The following SDK1 variants were observed in gnomAD, a reference collection of about 807,000 sequenced individuals.
The protein encoded by SDK1 is sidekick cell adhesion molecule 1.
SDK1 carries 157 observed loss-of-function variants against 245.5 expected under a neutral mutation model. The ratio of observed to expected loss-of-function variants is 0.64; its 90% confidence interval spans 0.56 to 0.73. The LOEUF is 0.73. Ranked by LOEUF, SDK1 falls within the 30% of genes least tolerant of loss-of-function variation. SDK1 has a pLI of 0.00. For missense variants in SDK1, 3,583 were observed against 3,002.3 expected (o/e 1.19, Z -4.52); for synonymous variants, 1,647 against 1,278.5 (o/e 1.29, Z -6.15).
intron 1 of SDK1, among the ~76,000 whole-genome samples, chr7:3,585,785 A>T (rs1379195371): frequency 6.6e-6 from 1 of 152,174 alleles, no homozygotes; most frequent in African/African-American, 2.4e-5. Context: ...ATCTAAAGAC[A>T]GGTGTGCCAC....
chr7:3,442,712 G>A (rs192886204), intron 1 of SDK1, among the ~76,000 whole-genome samples: 2 of 152,260 alleles, frequency 1.3e-5, no homozygotes, highest in East Asian at 3.9e-4. Flanking sequence ...TACAAGTTTA[G>A]TGCACTTGAT....
intron 5 of SDK1, among the ~76,000 whole-genome samples, chr7:3,834,459 G>A (rs1226961574): frequency 2.6e-5 from 4 of 152,204 alleles, no homozygotes; most frequent in East Asian, 3.9e-4. Context: ...GATGAATTCT[G>A]CTTCCGATGC....
intron 20 of SDK1, among the ~76,000 whole-genome samples, chr7:4,074,888 A>C (rs56371839): frequency 0.1 from 5,867 of 56,708 alleles, 242 homozygotes; most frequent in African/African-American, 0.14. Context: ...CTCTCTCTGT[A>C]TATATATATA....
rs184483470 is a variant in SDK1, at chr7:4,171,805, G to T, written c.4801-2417G>T. 2.6e-3 allele frequency among the ~76,000 whole-genome samples: 389 copies of T among 152,348 alleles called. 1 individual carries two copies. The highest frequency in any genetic ancestry group is 9.0e-3 in the African/African-American group (374 of 41,592). ...CCATCTCTGGTCTGTGGTGGGCAGC[G>T]GGAGTCCTCGGACCTGGGGCTGCAA... On this transcript the variant is annotated intron_variant, in intron 32 of 44. Transcript: ENST00000404826.
chr7:3,924,276 G>T (rs1779693622), intron 5 of SDK1, among the ~76,000 whole-genome samples: 1 of 152,100 alleles, frequency 6.6e-6, no homozygotes, highest in African/African-American at 2.4e-5. Flanking sequence ...GATGAGTTAG[G>T]ATGGCTCAGT....
intron 41 of SDK1, among the ~76,000 whole-genome samples, chr7:4,233,973 C>A (rs1036315876): frequency 6.6e-6 from 1 of 152,196 alleles, no homozygotes; most frequent in African/African-American, 2.4e-5. Context: ...GTGTCCCCTC[C>A]GCAACAAAAT....
At chr7:4,095,477 C>G (rs1782092286) in intron 22 of SDK1, among the ~76,000 whole-genome samples, 1 of 152,264 alleles carries the variant, frequency 6.6e-6, no homozygotes, top group South Asian at 2.1e-4. Flanking sequence ...AACCAAGCAT[C>G]TCCTGACTCT....
rs1310313398 is a variant in SDK1 at position 3,343,792 on chromosome 7, C to T, written c.298+41908C>T. Among the ~76,000 whole-genome samples the T allele has an allele frequency of 1.3e-5, 2 of 151,894 alleles. 1 individual carries two copies. The highest frequency in any genetic ancestry group is 4.2e-4 in the South Asian group (2 of 4,806). ...AAGTGCCTTAAAATACAGGTGATAA[C>T]AAGTAACTCTTCAATTGTTAAAGGG... On this transcript the variant is annotated intron_variant, in intron 1 of 44. Coordinates refer to ENST00000404826, the MANE Select transcript of SDK1 (RefSeq NM_152744.4).
intron 43 of SDK1, among the ~76,000 whole-genome samples, chr7:4,245,222 C>G (rs1333124966): frequency 3.3e-5 from 5 of 152,132 alleles, no homozygotes; most frequent in Admixed American, 2.6e-4. Context: ...CTGGTGCAAA[C>G]TTCCCCAATT....
chr7:4,204,775 T>G (rs1292431218), intron 35 of SDK1, among the ~76,000 whole-genome samples: 2 of 151,860 alleles, frequency 1.3e-5, no homozygotes, highest in Non-Finnish European at 2.9e-5. Flanking sequence ...GCCCTGGAGC[T>G]CCCCAGGGCC....
chr7:3,706,803 C>T (rs1302971621), intron 4 of SDK1, among the ~76,000 whole-genome samples: 1 of 152,152 alleles, frequency 6.6e-6, no homozygotes, highest in African/African-American at 2.4e-5. Context: ...TTATATGTTT[C>T]CAGGAATTTA....
intron 2 of SDK1, among the ~76,000 whole-genome samples, chr7:3,635,688 T>G (rs971324344): frequency 6.6e-6 from 1 of 152,172 alleles, no homozygotes; most frequent in African/African-American, 2.4e-5. Context: ...GAAAATAGTC[T>G]TTTCCTATTT....
chr7:3,883,893 AT>A (rs1426357209), intron 5 of SDK1, among the ~76,000 whole-genome samples: 1 of 152,114 alleles, frequency 6.6e-6, no homozygotes, highest in African/African-American at 2.4e-5. Context: ...TGGCCTCAAT[AT>A]TCCTACTTTT....
At chr7:4,075,814 A>C (rs1161611563) in intron 20 of SDK1, among the ~76,000 whole-genome samples, 2 of 152,064 alleles carry the variant, frequency 1.3e-5, no homozygotes, top group East Asian at 1.9e-4. Context: ...ACCACCATGC[A>C]TGGCTAATTT....
At chr7:3,658,397 A>G (rs1400703134) in intron 4 of SDK1, among the ~76,000 whole-genome samples, 1 of 152,092 alleles carries the variant, frequency 6.6e-6, no homozygotes, top group African/African-American at 2.4e-5. Flanking sequence ...GCGGATAAAA[A>G]GATCAATACA....
chr7:3,545,804 A>G (rs1439027527), intron 1 of SDK1, among the ~76,000 whole-genome samples: 2 of 152,214 alleles, frequency 1.3e-5, no homozygotes, highest in African/African-American at 4.8e-5. Flanking sequence ...CGAAAGGGTA[A>G]TCAAATAGTA....
chr7:4,251,649 T>C (rs1358121278), intron 44 of SDK1, among the ~76,000 whole-genome samples: 4 of 152,222 alleles, frequency 2.6e-5, no homozygotes, highest in Non-Finnish European at 4.4e-5. Flanking sequence ...GCATAAACCA[T>C]ATTATTTGTA....
chr7:3,375,880 G>A (rs1319486704), intron 1 of SDK1, among the ~76,000 whole-genome samples: 1 of 152,222 alleles, frequency 6.6e-6, no homozygotes, highest in Non-Finnish European at 1.5e-5. Flanking sequence ...AATGGTGTGA[G>A]AAAATGCTGA....
intron 10 of SDK1, 69 bp downstream of exon 10, chr7:3,967,503 T>C (rs1199665513): frequency 1.1e-6 from 1 of 922,266 alleles, no homozygotes; most frequent in African/African-American, 1.6e-5. Context: ...CAGTGCTTGC[T>C]TCTTATTCAC....
Sources: gnomAD v4.1 joint callset for allele counts (sites outside exome capture counted in the v4.1 genomes callset) on GRCh38, gnomAD v4.1.1 for gene constraint, MANE v1.5 for transcripts, NCBI Gene and HGNC (gene_info 2026-07-23, HGNC 2026-07-21) for gene names.